NUP214: variants seen among roughly 807,000 people sequenced by gnomAD.
NUP214 encodes the protein nucleoporin 214.
A neutral mutation model predicts 196.2 loss-of-function variants in NUP214; 79 were observed. The ratio of observed to expected loss-of-function variants is 0.40; its 90% CI spans 0.34 to 0.49. The LOEUF (loss-of-function observed/expected upper bound fraction) is 0.49. Ranked by LOEUF, NUP214 falls within the 20% of genes least tolerant of loss-of-function variation. NUP214 has a pLI of 0.58. For synonymous variants in NUP214, 1,020 were observed against 990.5 expected (o/e 1.03, Z -0.56); for missense variants, 2,468 against 2,539.0 (o/e 0.97, Z 0.60).
intron 20 of NUP214, 21 bp downstream of exon 20, chr9:131,163,976 C>A (rs1048401724): frequency 1.9e-6 from 3 of 1,612,498 alleles, no homozygotes; most frequent in Non-Finnish European, 2.5e-6. Context: ...CCTTCCCAGT[C>A]TTTTAACTCC....
At chr9:131,231,227 CTG>C (rs1047353034) in intron 34 of NUP214, among the ~76,000 whole-genome samples, 4 of 152,148 alleles carry the variant, frequency 2.6e-5, no homozygotes, top group African/African-American at 9.7e-5. Flanking sequence ...GAGTCTCGCT[CTG>C]TTGCCCAGGA....
At chr9:131,180,788 C>T (rs367881627) in intron 24 of NUP214, among the ~76,000 whole-genome samples, 1 of 152,126 alleles carries the variant, frequency 6.6e-6, no homozygotes, top group Admixed American at 6.5e-5. Context: ...AGAAGACAGC[C>T]GGGAAACTGC....
intron 4 of NUP214, among the ~76,000 whole-genome samples, chr9:131,130,487 C>G (rs1377454192): frequency 6.6e-6 from 1 of 152,128 alleles, no homozygotes; most frequent in Non-Finnish European, 1.5e-5. Flanking sequence ...TTCTCCTTGT[C>G]TTATGTAAAG....
rs544149037 is a variant in NUP214 at position 131,142,295 on chromosome 9, G to A, written c.1294+1585G>A. On this transcript the variant is annotated intron_variant, in intron 11 of 35. Coordinates refer to ENST00000359428, the MANE Select transcript of NUP214 (RefSeq NM_005085.4). Reference sequence around the variant, plus strand: ...CTTTGCTACTAGCCCATTCAATGCTGGAGCACAATCAGAGGCCAGTTTTAC... The same window carrying A: ...CTTTGCTACTAGCCCATTCAATGCTAGAGCACAATCAGAGGCCAGTTTTAC... 2.6e-5 allele frequency among the ~76,000 whole-genome samples: 4 copies of A among 152,352 alleles called. No individual in the cohort carries two copies. In the South Asian group the frequency reaches 6.2e-4, roughly 24 times the overall value.
rs556333945 is a variant in NUP214, at chr9:131,178,029, GTC to G, written c.3320-279_3320-278del. ...AGGACAGACCAGCAGTGTGGCAGGT[GTC>G]TCAGCTCTGTGTAGAAAAGCTGGCC... On this transcript the variant is annotated intron_variant, in intron 23 of 35. Transcript: ENST00000359428. Among the ~76,000 whole-genome samples the G allele has an allele frequency of 5.6e-4, 85 of 152,314 alleles. 3 individuals carry two copies. The South Asian group carries it at 0.017, about 30-fold the overall frequency.
At chr9:131,188,242 G>A (rs1468009866) in intron 25 of NUP214, among the ~76,000 whole-genome samples, 1 of 152,240 alleles carries the variant, frequency 6.6e-6, no homozygotes, top group Non-Finnish European at 1.5e-5. Context: ...TTTTAGTGAT[G>A]TTATGTCTAG....
intron 30 of NUP214, among the ~76,000 whole-genome samples, chr9:131,214,007 A>G (rs888067527): frequency 6.6e-6 from 1 of 152,182 alleles, no homozygotes; most frequent in African/African-American, 2.4e-5. Context: ...TGTGACTGCC[A>G]TTGCAAGTAG....
chr9:131,209,209 CAAAA>C (rs145468772), intron 30 of NUP214, among the ~76,000 whole-genome samples: 3 of 150,122 alleles, frequency 2.0e-5, no homozygotes, highest in African/African-American at 7.4e-5. Flanking sequence ...TCCATCTCTA[CAAAA>C]AAAAAGACCC....
chr9:131,128,518 A>G, intron 3 of NUP214, 35 bp downstream of exon 3: 2 of 1,545,248 alleles, frequency 1.3e-6, no homozygotes, highest in Non-Finnish European at 1.8e-6. Flanking sequence ...TCAACATGAG[A>G]ACCCTAAGCA....
intron 26 of NUP214, among the ~76,000 whole-genome samples, chr9:131,189,370 G>C (rs1306781591): frequency 6.6e-6 from 1 of 152,156 alleles, no homozygotes; most frequent in Non-Finnish European, 1.5e-5. Context: ...AAATTTTTAG[G>C]TTAGTTTGAA....
At chr9:131,223,736 T>TTTTA (rs1564219821) in intron 32 of NUP214, among the ~76,000 whole-genome samples, 9 of 28,574 alleles carry the variant, frequency 3.1e-4, no homozygotes, top group African/African-American at 6.8e-4. Context: ...TATTTTTTTT[T>TTTTA]TTTTTTTTTT....
chr9:131,207,511 C>T (rs1834119315), intron 30 of NUP214, among the ~76,000 whole-genome samples: 1 of 152,202 alleles, frequency 6.6e-6, no homozygotes, highest in South Asian at 2.1e-4. Context: ...CAAGGAGGAA[C>T]ATTCCAAGAA....
At chr9:131,128,685 T>C in intron 3 of NUP214, 1 of 482,060 alleles carries the variant, frequency 2.1e-6, no homozygotes, top group East Asian at 3.3e-5. Context: ...TAACGCCATC[T>C]GCCCTAAGTT....
chr9:131,174,158 A>G lies in NUP214; in HGVS notation c.2997A>G (p.Ala999=), dbSNP rs772431243. The G allele has an allele frequency of 6.2e-7, 1 of 1,613,798 alleles. No individual in the cohort carries two copies. Among genetic ancestry groups the G allele is most frequent in the Non-Finnish European group, 8.5e-7 (1 of 1,179,946 alleles). The change falls in exon 22 of 36, where the codon GCA becomes GCG. Residue 999 remains alanine (A), a synonymous_variant. Transcript: ENST00000359428. ...CCCAGTCTCTGGAGAGTGAAGATGCACGGACGTCCTGTAAAGATGACGAGG... is the reference window on the plus strand; with the variant it reads ...CCCAGTCTCTGGAGAGTGAAGATGCGCGGACGTCCTGTAAAGATGACGAGG... ...SVSQSLESED[A]RTSCKDDEAV...
chr9:131,186,290 A>G (rs566410038), intron 24 of NUP214, among the ~76,000 whole-genome samples: 2 of 152,342 alleles, frequency 1.3e-5, no homozygotes, highest in East Asian at 1.9e-4. Context: ...TTCATTGAAC[A>G]TAAGTTCACT....
intron 26 of NUP214, among the ~76,000 whole-genome samples, 168 bp downstream of exon 26, chr9:131,189,299 G>A (rs890938709): frequency 5.3e-5 from 8 of 152,192 alleles, no homozygotes; most frequent in Non-Finnish European, 7.3e-5. Context: ...TTTGAAAGCC[G>A]TCAGCTAATG....
chr9:131,177,874 A>G (rs1447275286), intron 23 of NUP214, among the ~76,000 whole-genome samples: 2 of 152,086 alleles, frequency 1.3e-5, no homozygotes, highest in Non-Finnish European at 2.9e-5. Flanking sequence ...CTATAGATAC[A>G]TTTTGTATTC....
At chr9:131,220,337 T>C (rs1834524551) in intron 31 of NUP214, among the ~76,000 whole-genome samples, 1 of 152,226 alleles carries the variant, frequency 6.6e-6, no homozygotes, top group African/African-American at 2.4e-5. Flanking sequence ...AAACACATTG[T>C]TGACATTAGA....
chr9:131,230,263 G>A lies in NUP214; in HGVS notation c.6075-367G>A, dbSNP rs187416238. On this transcript the variant is annotated intron_variant, in intron 33 of 35. Transcript: ENST00000359428. Reference sequence around the variant, plus strand: ...TAAATAAATGGGAGCAGGATGTGGGGGAATGGTCGGTAAGTGAGAAATGCT... The same window carrying A: ...TAAATAAATGGGAGCAGGATGTGGGAGAATGGTCGGTAAGTGAGAAATGCT... 382 of 208,304 alleles carry A rather than the reference G, an allele frequency of 1.8e-3. 1 individual carries two copies. Among genetic ancestry groups the A allele is most frequent in the Non-Finnish European group, 2.7e-3 (281 of 102,312 alleles). 12.9% of individuals were successfully genotyped at this position (208,304 alleles called of 1,614,324 possible).
Sources: gnomAD v4.1 joint callset for allele counts (sites outside exome capture counted in the v4.1 genomes callset) on GRCh38, gnomAD v4.1.1 for gene constraint, MANE v1.5 for transcripts, NCBI Gene and HGNC (gene_info 2026-07-23, HGNC 2026-07-21) for gene names.